The following ZNF676 variants were observed in gnomAD, a reference collection of about 807,000 sequenced individuals.
ZNF676 encodes the protein zinc finger protein 676.
A neutral mutation model predicts 6.0 loss-of-function variants in ZNF676; 4 were observed. That is an observed-to-expected ratio of 0.67 (90% CI 0.33 to 1.53). The LOEUF is 1.53. ZNF676 is among the 40% of genes most tolerant of loss of function. The probability of loss-of-function intolerance (pLI) is 0.06; values close to 1 mark genes in which losing one functional copy is unlikely to be tolerated. For missense variants in ZNF676, 644 were observed against 679.7 expected (o/e 0.95, Z 0.58); for synonymous variants, 198 against 223.1 (o/e 0.89, Z 1.00).
chr19:22,230,644 T>C, the ZNF676 span, among the ~76,000 whole-genome samples: 1 of 148,634 alleles, frequency 6.7e-6, no homozygotes, highest in Admixed American at 6.8e-5. Context: ...TATGTGTACA[T>C]ATATATGTAT....
At chr19:22,224,322 GT>G in the ZNF676 span, among the ~76,000 whole-genome samples, 3 of 149,922 alleles carry the variant, frequency 2.0e-5, no homozygotes, top group Non-Finnish European at 4.4e-5. Flanking sequence ...TTGCAATTCT[GT>G]TTGTACACTT....
chr19:22,215,033 T>C (rs1599720589), intron 1 of ZNF676, among the ~76,000 whole-genome samples: 1 of 99,278 alleles, frequency 1.0e-5, no homozygotes, highest in Non-Finnish European at 1.9e-5. Flanking sequence ...AGAGCGAGAC[T>C]CCATCTCAAA....
upstream of ZNF676, among the ~76,000 whole-genome samples, chr19:22,201,523 G>C (rs189029201): frequency 1.3e-5 from 2 of 152,096 alleles, no homozygotes; most frequent in South Asian, 4.1e-4. Context: ...GTTACAGCAA[G>C]TAAAGTGAAA....
chr19:22,254,166 T>C, the ZNF676 span, among the ~76,000 whole-genome samples: 1 of 152,164 alleles, frequency 6.6e-6, no homozygotes, highest in African/African-American at 2.4e-5. Context: ...TCATATCACC[T>C]AGGTGTTCAG....
At chr19:22,192,611 C>A (rs1157966325) in intron 2 of ZNF676, among the ~76,000 whole-genome samples, 2 of 151,872 alleles carry the variant, frequency 1.3e-5, no homozygotes, top group Non-Finnish European at 2.9e-5. Flanking sequence ...ACCAAAAAAA[C>A]CCCAATGATA....
the ZNF676 span, among the ~76,000 whole-genome samples, chr19:22,225,243 T>C: frequency 6.6e-6 from 1 of 152,058 alleles, no homozygotes; most frequent in African/African-American, 2.4e-5. Flanking sequence ...GTTTATTTCA[T>C]GTGACATAGT....
chr19:22,228,833 C>A, the ZNF676 span, among the ~76,000 whole-genome samples: 1 of 152,198 alleles, frequency 6.6e-6, no homozygotes, highest in East Asian at 1.9e-4. Flanking sequence ...GAGCTACAAA[C>A]CACAGCTCAA....
chr19:22,226,330 G>A, the ZNF676 span, among the ~76,000 whole-genome samples: 1 of 151,904 alleles, frequency 6.6e-6, no homozygotes, highest in African/African-American at 2.4e-5. Context: ...GTTTTGAAAT[G>A]GGAAAGTTTA....
intron 2 of ZNF676, among the ~76,000 whole-genome samples, chr19:22,185,362 G>C (rs1258698750): frequency 6.6e-6 from 1 of 152,060 alleles, no homozygotes; most frequent in Non-Finnish European, 1.5e-5. Flanking sequence ...ACCATCCGAA[G>C]GTCATCAACA....
upstream of ZNF676, among the ~76,000 whole-genome samples, chr19:22,218,534 C>CG (rs1429501850): frequency 1.3e-5 from 2 of 148,562 alleles, no homozygotes; most frequent in Non-Finnish European, 3.0e-5. Context: ...TTAGTAGAGA[C>CG]GGGGTTTCAC....
rs188251611 is a variant in ZNF676, at chr19:22,193,324, A to G, written c.35-213T>C. Among the ~76,000 whole-genome samples the G allele has an allele frequency of 1.6e-3, 248 of 152,294 alleles. 3 individuals carry two copies. The highest frequency in any genetic ancestry group is 2.9e-4 in the Non-Finnish European group (20 of 68,030). On this transcript the variant is annotated intron_variant, in intron 1 of 2. Coordinates refer to ENST00000397121, the MANE Select transcript of ZNF676 (RefSeq NM_001001411.3). The stretch of plus-strand genomic sequence containing the variant: ...AGCTCAAGTTAATTCACAAACATTA[A>G]GCTTCTTCAGAAGGTTATTGCGCAT...
At chr19:22,206,417 A>C (rs570000267) in intron 1 of ZNF676, among the ~76,000 whole-genome samples, 16 of 152,306 alleles carry the variant, frequency 1.1e-4, no homozygotes, top group African/African-American at 3.8e-4. Context: ...TCATGCCTGT[A>C]ATCGCAGCAC....
the ZNF676 span, among the ~76,000 whole-genome samples, chr19:22,248,539 G>T: frequency 2.0e-5 from 3 of 152,202 alleles, no homozygotes; most frequent in Admixed American, 2.0e-4. Flanking sequence ...TGCTGGAAAA[G>T]ATCCCTTCAT....
chr19:22,233,808 A>G, the ZNF676 span, among the ~76,000 whole-genome samples: 1 of 152,208 alleles, frequency 6.6e-6, no homozygotes, highest in Admixed American at 6.5e-5. Flanking sequence ...AGCTGGGGAA[A>G]GATGCTGAGT....
upstream of ZNF676, among the ~76,000 whole-genome samples, chr19:22,200,755 G>T (rs2024017645): frequency 6.6e-6 from 1 of 151,794 alleles, no homozygotes; most frequent in African/African-American, 2.4e-5. Flanking sequence ...TCACCATGTT[G>T]GCCAAGCTGG....
the ZNF676 span, among the ~76,000 whole-genome samples, chr19:22,236,535 T>C: frequency 6.6e-6 from 1 of 152,132 alleles, no homozygotes; most frequent in African/African-American, 2.4e-5. Context: ...AGAGATCTCC[T>C]TGGGGAAAGA....
chr19:22,222,375 G>A, the ZNF676 span, among the ~76,000 whole-genome samples: 1 of 152,114 alleles, frequency 6.6e-6, no homozygotes, highest in African/African-American at 2.4e-5. Flanking sequence ...CAGAGTGCTG[G>A]GATTACAGGT....
chr19:22,247,978 T>C, the ZNF676 span, among the ~76,000 whole-genome samples: 2 of 146,420 alleles, frequency 1.4e-5, no homozygotes, highest in Non-Finnish European at 3.0e-5. Context: ...TTCCCACCTA[T>C]GAGTGAGAAC....
At chr19:22,231,563 G>A in the ZNF676 span, among the ~76,000 whole-genome samples, 1 of 142,242 alleles carries the variant, frequency 7.0e-6, no homozygotes, top group East Asian at 2.0e-4. Flanking sequence ...AATTAAATTA[G>A]AGCAGAAGAG....
Sources: allele counts gnomAD v4.1 joint callset (sites outside exome capture counted in the v4.1 genomes callset), GRCh38; gene constraint gnomAD v4.1.1; transcripts MANE v1.5; gene names NCBI Gene and HGNC (gene_info 2026-07-23, HGNC 2026-07-21).